The following STAU2 variants were observed in gnomAD, a reference collection of about 807,000 sequenced individuals.
STAU2 encodes staufen double-stranded RNA binding protein 2.
A neutral mutation model predicts 65.9 loss-of-function variants in STAU2; 20 were observed. The ratio of observed to expected loss-of-function variants is 0.30; its 90% CI spans 0.21 to 0.44. The LOEUF (loss-of-function observed/expected upper bound fraction) is 0.44. STAU2 is among the 20% of genes least tolerant of loss of function. The probability of loss-of-function intolerance (pLI) is 1.00; values close to 1 mark genes in which losing one functional copy is unlikely to be tolerated. For missense variants in STAU2, 558 were observed against 683.9 expected, an observed-to-expected ratio of 0.82 and a Z score of 2.05; for synonymous variants, 232 against 233.9, an observed-to-expected ratio of 0.99 and a Z score of 0.07.
chr8:73,640,074 T>C (rs1814837604), intron 6 of STAU2, among the ~76,000 whole-genome samples: 1 of 152,062 alleles, frequency 6.6e-6, no homozygotes. Flanking sequence ...ACTTAGCCTA[T>C]CAAAGTCAAC....
chr8:73,589,574 GA>G (rs1465672415), intron 11 of STAU2, among the ~76,000 whole-genome samples: 2 of 152,120 alleles, frequency 1.3e-5, no homozygotes, highest in African/African-American at 4.8e-5. Flanking sequence ...AAATATTAGA[GA>G]TCAAAACATT....
chr8:73,725,220 GTTCCT>G (rs1343669673), intron 3 of STAU2, among the ~76,000 whole-genome samples: 9 of 151,916 alleles, frequency 5.9e-5, no homozygotes, highest in Non-Finnish European at 1.0e-4. Context: ...CCTTTTATTT[GTTCCT>G]TTCTTCAACT....
At chr8:73,458,512 G>C (rs796707274) in intron 13 of STAU2, among the ~76,000 whole-genome samples, 8 of 152,286 alleles carry the variant, frequency 5.3e-5, no homozygotes, top group African/African-American at 1.7e-4. Context: ...GTGAAGCAAG[G>C]CTCAAGGAGA....
At chr8:73,591,820 G>A (rs1441393945) in intron 11 of STAU2, among the ~76,000 whole-genome samples, 14 of 137,622 alleles carry the variant, frequency 1.0e-4, no homozygotes, top group Non-Finnish European at 1.5e-4. Flanking sequence ...AATCAAGAGG[G>A]AAATCAGAAC....
chr8:73,667,427 G>A (rs1040718034), intron 6 of STAU2, among the ~76,000 whole-genome samples: 8 of 152,024 alleles, frequency 5.3e-5, no homozygotes, highest in African/African-American at 1.7e-4. Flanking sequence ...CAGACTTACC[G>A]AACTGTTTCT....
chr8:73,479,090 C>T, intron 13 of STAU2, among the ~76,000 whole-genome samples: 1 of 152,064 alleles, frequency 6.6e-6, no homozygotes, highest in Non-Finnish European at 1.5e-5. Context: ...TATACCTTCA[C>T]CCACTCCCCC....
intron 5 of STAU2, among the ~76,000 whole-genome samples, chr8:73,678,570 T>A (rs1406235955): frequency 2.6e-5 from 4 of 152,214 alleles, no homozygotes; most frequent in African/African-American, 9.6e-5. Flanking sequence ...TGGCACTTAA[T>A]CTTTACCATC....
At chr8:73,506,191 A>C (rs529340670) in intron 13 of STAU2, among the ~76,000 whole-genome samples, 2 of 152,294 alleles carry the variant, frequency 1.3e-5, no homozygotes, top group Non-Finnish European at 2.9e-5. Flanking sequence ...GTTTTAGTAA[A>C]TTTAGAAACT....
intron 13 of STAU2, chr8:73,441,194 T>C (rs1669151256): frequency 6.6e-6 from 1 of 152,282 alleles, no homozygotes; most frequent in South Asian, 2.1e-4. Context: ...CTGTCTAAAA[T>C]TCTATTATAT....
At chr8:73,694,817 G>C (rs1289107756) in intron 4 of STAU2, among the ~76,000 whole-genome samples, 1 of 152,180 alleles carries the variant, frequency 6.6e-6, no homozygotes, top group African/African-American at 2.4e-5. Flanking sequence ...ACGGCTATTG[G>C]AAAACAGTAC....
intron 13 of STAU2, among the ~76,000 whole-genome samples, chr8:73,533,408 A>T (rs548587346): frequency 6.6e-6 from 1 of 152,344 alleles, no homozygotes; most frequent in African/African-American, 2.4e-5. Flanking sequence ...TTTGATTTGT[A>T]ATCTCATAAA....
intron 13 of STAU2, among the ~76,000 whole-genome samples, chr8:73,514,640 A>T (rs557352185): frequency 6.6e-6 from 1 of 152,308 alleles, no homozygotes; most frequent in Non-Finnish European, 1.5e-5. Context: ...AATCAGATTA[A>T]TTCTTCTGTT....
chr8:73,640,761 A>G (rs566949516), intron 6 of STAU2, among the ~76,000 whole-genome samples: 5 of 152,328 alleles, frequency 3.3e-5, no homozygotes, highest in African/African-American at 1.2e-4. Context: ...ATCTAGAAAT[A>G]CATGAAAAGT....
In STAU2 at chr8:73,421,479, A is replaced by G; in HGVS notation, c.1620-14T>C. On this transcript the variant is annotated splice_polypyrimidine_tract_variant and intron_variant, in intron 14 of 14. Transcript: ENST00000524300. ...TGCTTGGCTTGTCTGAAAGATTAAT[A>G]CATTAACAAGAGCTGAAGGCCTGGG... 2 of 1,537,196 alleles carry G rather than the reference A, an allele frequency of 1.3e-6. No individual in the cohort carries two copies. Among genetic ancestry groups the G allele is most frequent in the Admixed American group, 2.0e-5 (1 of 50,998 alleles).
chr8:73,705,608 T>A (rs1218325423), intron 4 of STAU2, among the ~76,000 whole-genome samples: 2 of 152,178 alleles, frequency 1.3e-5, no homozygotes, highest in African/African-American at 2.4e-5. Flanking sequence ...TGTATACAGG[T>A]ACCTAGGAAA....
At position 73,512,098 on chromosome 8, in the gene STAU2, G is replaced by T. The variant is rs143470090; in HGVS notation, c.1530+39914C>A. On this transcript the variant is annotated intron_variant, in intron 13 of 14. Coordinates refer to ENST00000524300, the MANE Select transcript of STAU2 (RefSeq NM_001164380.2). ...AGTTCATTTCTGGACTCTCAATTCTGTTCCACTGATCTACATGTCTATCCT... is the reference window on the plus strand; with the variant it reads ...AGTTCATTTCTGGACTCTCAATTCTTTTCCACTGATCTACATGTCTATCCT... Among the ~76,000 whole-genome samples the T allele has an allele frequency of 4.1e-3, 627 of 152,184 alleles. 4 individuals carry two copies. Among genetic ancestry groups the T allele is most frequent in the African/African-American group, 0.014 (595 of 41,490 alleles).
intron 13 of STAU2, among the ~76,000 whole-genome samples, chr8:73,538,936 T>C (rs1358446453): frequency 6.6e-6 from 1 of 152,102 alleles, no homozygotes; most frequent in East Asian, 1.9e-4. Context: ...TTCACTTCAA[T>C]GAAAAAAGTT....
chr8:73,587,548 ACG>A (rs1810462614), intron 11 of STAU2, among the ~76,000 whole-genome samples: 6 of 152,216 alleles, frequency 3.9e-5, no homozygotes, highest in Non-Finnish European at 5.9e-5. Flanking sequence ...TGGGAAAGGA[ACG>A]AAAAAAACTG....
At chr8:73,722,003 T>G (rs1353420052) in intron 3 of STAU2, among the ~76,000 whole-genome samples, 1 of 152,198 alleles carries the variant, frequency 6.6e-6, no homozygotes, top group African/African-American at 2.4e-5. Context: ...TCTGTTGAAT[T>G]ATTTTGTGTG....
Sources: gnomAD v4.1 joint callset for allele counts (sites outside exome capture counted in the v4.1 genomes callset) on GRCh38, gnomAD v4.1.1 for gene constraint, MANE v1.5 for transcripts, NCBI Gene and HGNC (gene_info 2026-07-23, HGNC 2026-07-21) for gene names.